The following DNAJB12 variants were observed in gnomAD, a reference collection of about 807,000 sequenced individuals.
DNAJB12 encodes DnaJ heat shock protein family (Hsp40) member B12.
DNAJB12 carries 14 observed loss-of-function variants against 40.6 expected under a neutral mutation model. The observed-to-expected ratio is 0.34, with a 90% CI of 0.23 to 0.54. The LOEUF is 0.54. DNAJB12 is among the 20% of genes least tolerant of loss of function. The pLI, the probability that DNAJB12 is intolerant of heterozygous loss-of-function variation, is 0.92. For missense variants in DNAJB12, 444 were observed against 501.7 expected (o/e 0.89, Z 1.10); for synonymous variants, 181 against 199.5 (o/e 0.91, Z 0.78).
chr10:72,335,022 C>T lies in DNAJB12; in HGVS notation c.*31-405G>A. The T allele has an allele frequency of 9.5e-7, 1 of 1,052,636 alleles. No individual in the cohort carries two copies. The highest frequency in any genetic ancestry group is 1.1e-6 in the Non-Finnish European group (1 of 872,874). 65.2% of individuals were successfully genotyped at this position (1,052,636 alleles called of 1,614,324 possible). ...ACCAGCAACTCTCATTTCCCCTCCACCCCTCCTGTGCTGAGCGGCTGCGTC... is the reference window on the plus strand; with the variant it reads ...ACCAGCAACTCTCATTTCCCCTCCATCCCTCCTGTGCTGAGCGGCTGCGTC... On this transcript the variant is annotated intron_variant, in intron 8 of 8. Coordinates refer to ENST00000444643, the MANE Select transcript of DNAJB12 (RefSeq NM_017626.7). The surrounding 1 kb of genome is among the most constrained non-coding windows in gnomAD (Gnocchi z 4.4).
Position 72,335,749 on chromosome 10 carries a change from G to T in DNAJB12, c.*30+31C>A. The T allele has an allele frequency of 6.2e-7, 1 of 1,603,410 alleles. No individual in the cohort carries two copies. The highest frequency in any genetic ancestry group is 8.5e-7 in the Non-Finnish European group (1 of 1,173,736). On this transcript the variant is annotated intron_variant, in intron 8 of 8. Coordinates refer to ENST00000444643, the MANE Select transcript of DNAJB12 (RefSeq NM_017626.7). This position sits in a 1 kb window ranked among gnomAD's most constrained non-coding sequence, Gnocchi z 4.4. The stretch of plus-strand genomic sequence containing the variant: ...ATGACCAGGGCCAAAGCTGCCAGGA[G>T]TTGCAGGGTGGAGGCAGCCCTGGCT...
intron 1 of DNAJB12, 152 bp from the exon 2 acceptor site, chr10:72,345,279 T>A (rs1358941290): frequency 2.1e-5 from 18 of 875,700 alleles, no homozygotes; most frequent in Non-Finnish European, 3.1e-5. Context: ...GACAGTCATC[T>A]GCTCTCTTGA....
Position 72,337,634 on chromosome 10 carries a change from T to C in DNAJB12, c.833+568A>G, listed in dbSNP as rs192758920. Reference sequence around the variant, plus strand: ...GGTGGATGTTATAATTCCCATTTTATAGATGAGGAAACCAAGGTTATATAA... The same window carrying C: ...GGTGGATGTTATAATTCCCATTTTACAGATGAGGAAACCAAGGTTATATAA... On this transcript the variant is annotated intron_variant, in intron 6 of 8. Transcript: ENST00000444643. Among the ~76,000 whole-genome samples, 180 of 152,350 alleles carry C rather than the reference T, an allele frequency of 1.2e-3. 1 individual carries two copies. Among genetic ancestry groups the C allele is most frequent in the African/African-American group, 3.9e-3 (161 of 41,578 alleles).
chr10:72,334,901 C>T (rs1442448368), intron 8 of DNAJB12: 5 of 1,264,830 alleles, frequency 4.0e-6, no homozygotes, highest in Non-Finnish European at 5.0e-6. Flanking sequence ...TCTGCCCACA[C>T]TTCTCTGGGC....
chr10:72,334,480 T>C lies in DNAJB12; in HGVS notation c.*168A>G. On this transcript the variant is annotated 3_prime_UTR_variant, in exon 9 of 9. Coordinates refer to ENST00000444643, the MANE Select transcript of DNAJB12 (RefSeq NM_017626.7). ...CTAAGAGCTTTCTGCATTTACTGGG[T>C]GAGAGAGAGGGCAGCTGTGCAGCGT... is the stretch of plus-strand genomic sequence containing the variant. The C allele has an allele frequency of 7.6e-7, 1 of 1,320,860 alleles. No homozygotes were observed. 81.8% of individuals were successfully genotyped at this position (1,320,860 alleles called of 1,614,324 possible). A position where few individuals can be genotyped will look rare whatever the true frequency, so the allele number is the denominator to read the frequency against.
intron 1 of DNAJB12, among the ~76,000 whole-genome samples, chr10:72,347,586 C>T (rs112007135): frequency 0.018 from 2,755 of 152,332 alleles, 78 homozygotes; most frequent in African/African-American, 0.063. Context: ...CTATACAGGA[C>T]ATTAACTATC....
rs1861693521 is a variant in DNAJB12, at chr10:72,343,464, C to T, written c.359G>A (p.Gly120Glu). The T allele has an allele frequency of 6.2e-7, 1 of 1,614,186 alleles. No individual in the cohort carries two copies. The highest frequency in any genetic ancestry group is 8.5e-7 in the Non-Finnish European group (1 of 1,180,026). The change falls in exon 3 of 9, where the codon GGG becomes GAG. Residue 120 changes from glycine to glutamate, a missense_variant. Transcript: ENST00000444643. Reference sequence around the variant, plus strand: ...CTTCTTCAGGTCCTCATCCGAGGCCCCTCTGCTCACCCCCAGGATCTCATA... The same window carrying T: ...CTTCTTCAGGTCCTCATCCGAGGCCTCTCTGCTCACCCCCAGGATCTCATA... ...DYYEILGVSR[G>E]ASDEDLKKAY... is the part of the protein sequence containing the mutation.
chr10:72,339,868 G>A (rs994178641), intron 5 of DNAJB12, among the ~76,000 whole-genome samples: 3 of 151,750 alleles, frequency 2.0e-5, no homozygotes, highest in Admixed American at 6.6e-5. Context: ...CTGCCACTAC[G>A]CCCAGCTAAT....
At chr10:72,347,929 A>AAACAAC (rs1427011862) in intron 1 of DNAJB12, among the ~76,000 whole-genome samples, 1 of 142,868 alleles carries the variant, frequency 7.0e-6, no homozygotes, top group Non-Finnish European at 1.5e-5. Context: ...ACAAAAACAA[A>AAACAAC]AACAACCAAG....
intron 5 of DNAJB12, among the ~76,000 whole-genome samples, chr10:72,340,486 G>A (rs764722726): frequency 2.4e-4 from 37 of 152,234 alleles, no homozygotes; most frequent in Non-Finnish European, 4.9e-4. Flanking sequence ...ACCAGCGAGC[G>A]GTCTGCATGG....
intron 1 of DNAJB12, 22 bp from the exon 2 acceptor site, chr10:72,345,149 T>C (rs773137785): frequency 1.3e-6 from 2 of 1,580,292 alleles, no homozygotes; most frequent in Non-Finnish European, 1.7e-6. Context: ...AAGGAAACCA[T>C]TCAGAGCTCC....
chr10:72,340,870 TG>T lies in DNAJB12; in HGVS notation c.644-3del, dbSNP rs779122150. On this transcript the variant is annotated splice_region_variant and splice_polypyrimidine_tract_variant and intron_variant, in intron 4 of 8. Transcript: ENST00000444643. ...CGTTGCTGTAGACGTGGACGTTACC[TG>T]GGGGTCAGAGGGGCTGAGTCAGGAG... is the stretch of plus-strand genomic sequence containing the variant. The T allele has an allele frequency of 6.2e-7, 1 of 1,613,884 alleles. No individual in the cohort carries two copies. The highest frequency in any genetic ancestry group is 1.7e-5 in the Admixed American group (1 of 59,990).
chr10:72,334,746 C>A (rs1277021497), intron 8 of DNAJB12, 129 bp from the exon 9 acceptor site: 7 of 1,403,396 alleles, frequency 5.0e-6, no homozygotes, highest in Non-Finnish European at 6.4e-6. Context: ...CCCCACCAAC[C>A]CCACTTGCGG....
rs1162779634 is a variant in DNAJB12 at position 72,335,603 on chromosome 10, C to T, written c.*30+177G>A. On this transcript the variant is annotated intron_variant, in intron 8 of 8. Coordinates refer to ENST00000444643, the MANE Select transcript of DNAJB12 (RefSeq NM_017626.7). The surrounding 1 kb of genome is among the most constrained non-coding windows in gnomAD (Gnocchi z 4.4). ...GCATCGCTAGAGGGCGGAAACCGAC[C>T]TTGGTTTCCCAGCAGGCCCCACAGC... The T allele has an allele frequency of 2.2e-6, 3 of 1,391,018 alleles. No individual in the cohort carries two copies. Among genetic ancestry groups the T allele is most frequent in the Admixed American group, 3.1e-5 (1 of 32,632 alleles). 86.2% of individuals were successfully genotyped at this position (1,391,018 alleles called of 1,614,324 possible).
rs1158748037 is a variant in DNAJB12 at position 72,343,351 on chromosome 10, G to A, written c.457+15C>T. The A allele has an allele frequency of 5.0e-6, 8 of 1,610,172 alleles. No individual in the cohort carries two copies. Among genetic ancestry groups the A allele is most frequent in the Non-Finnish European group, 6.8e-6 (8 of 1,178,064 alleles). On this transcript the variant is annotated intron_variant, in intron 3 of 8. Coordinates refer to ENST00000444643, the MANE Select transcript of DNAJB12 (RefSeq NM_017626.7). ...ATGAACACACCAAAATGCTAGGAAA[G>A]CAGGGCTGGCTTACCTTTGAAGGCT...
At chr10:72,342,898 T>C (rs1861677412) in intron 3 of DNAJB12, among the ~76,000 whole-genome samples, 1 of 152,042 alleles carries the variant, frequency 6.6e-6, no homozygotes, top group South Asian at 2.1e-4. Context: ...AAGCCCCAGG[T>C]GTATAGGTAT....
rs1258507627 is a variant in DNAJB12, at chr10:72,347,574, G to T, written c.134-2447C>A. ...CCAAATGTCCTCTTCAATGTCTGGA[G>T]TCTATACAGGACATTAACTATCACC... On this transcript the variant is annotated intron_variant, in intron 1 of 8. Transcript: ENST00000444643. Among the ~76,000 whole-genome samples, 10 of 152,360 alleles carry T rather than the reference G, an allele frequency of 6.6e-5. No individual in the cohort carries two copies. The South Asian group carries it at 1.0e-3, about 16-fold the overall frequency.
chr10:72,349,412 A>G (rs558760316), intron 1 of DNAJB12, among the ~76,000 whole-genome samples: 1 of 152,322 alleles, frequency 6.6e-6, no homozygotes, highest in Admixed American at 6.5e-5. Flanking sequence ...CTCTGGAACC[A>G]GTAGTAACCA....
At position 72,338,293 on chromosome 10, in the gene DNAJB12, C is replaced by T. The variant is rs1266902644; in HGVS notation, c.742G>A (p.Val248Met). The T allele has an allele frequency of 1.9e-6, 3 of 1,614,086 alleles. No individual in the cohort carries two copies. The highest frequency in any genetic ancestry group is 3.3e-5 in the Admixed American group (2 of 60,032). ...AGGATGAGGATAGGCATCAGCTGCACAAACACCCCTAGCCCGCCCTGGAGG... is the reference window on the plus strand; with the variant it reads ...AGGATGAGGATAGGCATCAGCTGCATAAACACCCCTAGCCCGCCCTGGAGG... ...NQGDGGLGVF[V>M]QLMPILILIL... The change falls in exon 6 of 9, where the codon GTG (valine) becomes ATG (methionine). Residue 248 changes from valine (V) to methionine (M), a missense_variant. By Grantham distance (21) the Val-to-Met change is conservative. Transcript: ENST00000444643.
Sources: allele counts gnomAD v4.1 joint callset (sites outside exome capture counted in the v4.1 genomes callset), GRCh38; gene constraint gnomAD v4.1.1; non-coding constraint Gnocchi (gnomAD v3.1); transcripts MANE v1.5; gene names NCBI Gene and HGNC (gene_info 2026-07-23, HGNC 2026-07-21).